Variants in CCDC93 observed in about 807,000 individuals in gnomAD.
CCDC93 encodes CCC complex scaffolding subunit CCDC93.
CCDC93 carries 61 observed loss-of-function variants against 108.2 expected under a neutral mutation model. That is an observed-to-expected ratio of 0.56 (90% CI 0.46 to 0.70). CCDC93 has a LOEUF of 0.70. Among genes scored for constraint, CCDC93 ranks in the 30% least tolerant of loss-of-function variants. CCDC93 has a pLI of 0.00. For missense variants in CCDC93, 685 were observed against 764.2 expected (o/e 0.90, Z 1.22); for synonymous variants, 276 against 260.4 (o/e 1.06, Z -0.58).
At chr2:117,946,701 G>A in intron 16 of CCDC93, 110 bp downstream of exon 16, 1 of 715,272 alleles carries the variant, frequency 1.4e-6, no homozygotes, top group East Asian at 2.5e-5. Context: ...GTTGAGGAAT[G>A]TCTATTTACA....
At chr2:117,936,480 TCGTCAGC>T in intron 21 of CCDC93, 1 of 481,358 alleles carries the variant, frequency 2.1e-6, no homozygotes, top group Non-Finnish European at 3.7e-6. Flanking sequence ...TTAACTTTTT[TCGTCAGC>T]TCTTCCTTCA....
intron 13 of CCDC93, chr2:117,950,430 C>G (rs1336405738): frequency 2.0e-6 from 2 of 985,310 alleles, no homozygotes; most frequent in East Asian, 1.1e-4. Flanking sequence ...AGCCAATCTC[C>G]TGGCCTTTCT....
intron 18 of CCDC93, among the ~76,000 whole-genome samples, chr2:117,942,751 T>A (rs1384059674): frequency 1.3e-5 from 2 of 152,114 alleles, no homozygotes; most frequent in East Asian, 1.9e-4. Context: ...TCATCAACAC[T>A]GCAGACACCC....
In CCDC93 at chr2:118,001,200, T is replaced by C. The variant is rs1283833966; in HGVS notation, c.252-268A>G. 7 of 333,468 alleles carry C rather than the reference T, an allele frequency of 2.1e-5. No homozygotes were observed. The Admixed American group carries it at 2.3e-4, about 11-fold the overall frequency. 20.7% of individuals were successfully genotyped at this position (333,468 alleles called of 1,614,324 possible). ...TTTGGATGTAAAATATTTTGTGAAA[T>C]GATGGTAACATTAGAGGTAGTCGTT... On this transcript the variant is annotated intron_variant, in intron 3 of 23. Transcript: ENST00000376300.
chr2:117,951,156 G>T, intron 13 of CCDC93: 1 of 985,200 alleles, frequency 1.0e-6, no homozygotes, highest in Non-Finnish European at 1.2e-6. Flanking sequence ...ATCTCTTTCA[G>T]ATTATTATAC....
At position 117,935,570 on chromosome 2, in the gene CCDC93, G is replaced by C. The variant is rs756750259; in HGVS notation, c.1653C>G (p.Ala551=). 31 of 1,613,332 alleles carry C rather than the reference G, an allele frequency of 1.9e-5. No homozygotes were observed. Among genetic ancestry groups the C allele is most frequent in the Non-Finnish European group, 2.5e-5 (30 of 1,179,502 alleles). Reference sequence around the variant, plus strand: ...AAAACTGGTCCCGGGCAGCAGGGGAGGCCATGGCCCTGAAAGAAAAACCAG... The same window carrying C: ...AAAACTGGTCCCGGGCAGCAGGGGACGCCATGGCCCTGAAAGAAAAACCAG... The part of the protein sequence containing the change: ...SIHENFSQAM[A]SPAARDQFLR... Residue 551 remains alanine, a synonymous_variant, in exon 22 of 24, where the codon GCC becomes GCG. Coordinates refer to ENST00000376300, the MANE Select transcript of CCDC93 (RefSeq NM_019044.5).
chr2:117,988,783 A>C (rs1198837223), intron 6 of CCDC93, among the ~76,000 whole-genome samples: 1 of 152,218 alleles, frequency 6.6e-6, no homozygotes, highest in Non-Finnish European at 1.5e-5. Context: ...GAAATGATGA[A>C]AGATGGATGG....
intron 12 of CCDC93, among the ~76,000 whole-genome samples, chr2:117,957,910 C>T (rs143044919): frequency 2.0e-5 from 3 of 151,850 alleles, no homozygotes; most frequent in African/African-American, 4.9e-5. Flanking sequence ...AATTAAATGA[C>T]GATGAGTGTG....
chr2:117,967,601 T>A (rs1354580268), intron 11 of CCDC93, among the ~76,000 whole-genome samples: 2 of 152,136 alleles, frequency 1.3e-5, no homozygotes, highest in Admixed American at 1.3e-4. Flanking sequence ...TGTCCCTGCT[T>A]CTCCCTAAGG....
intron 23 of CCDC93, among the ~76,000 whole-genome samples, chr2:117,929,827 C>T (rs919272188): frequency 6.6e-6 from 1 of 152,216 alleles, no homozygotes; most frequent in Admixed American, 6.5e-5. Context: ...CTGAAGAACT[C>T]TTTCTTCCGA....
chr2:117,993,062 T>C (rs1406532269), intron 6 of CCDC93, among the ~76,000 whole-genome samples: 1 of 151,716 alleles, frequency 6.6e-6, no homozygotes, highest in African/African-American at 2.4e-5. Flanking sequence ...GGGCTCAGAG[T>C]GAGATTTACA....
chr2:117,922,610 G>A (rs903257581), intron 23 of CCDC93, among the ~76,000 whole-genome samples: 1 of 152,066 alleles, frequency 6.6e-6, no homozygotes, highest in Non-Finnish European at 1.5e-5. Context: ...CGCTAAGGTG[G>A]CAAAAAACCA....
intron 14 of CCDC93, 38 bp from the exon 15 acceptor site, chr2:117,948,224 CATT>C: frequency 6.7e-7 from 1 of 1,484,826 alleles, no homozygotes; most frequent in Non-Finnish European, 9.3e-7. Flanking sequence ...TATGGCAGGC[CATT>C]ATGATTTTAT....
chr2:117,925,691 C>A (rs1678061859), intron 23 of CCDC93, among the ~76,000 whole-genome samples: 1 of 152,180 alleles, frequency 6.6e-6, no homozygotes, highest in Non-Finnish European at 1.5e-5. Flanking sequence ...TAACACCCCA[C>A]TGTCAACATT....
intron 8 of CCDC93, among the ~76,000 whole-genome samples, chr2:117,975,528 A>T (rs1679915618): frequency 6.6e-6 from 1 of 152,188 alleles, no homozygotes; most frequent in Non-Finnish European, 1.5e-5. Flanking sequence ...CAGGCCACAC[A>T]CATTTGCCTG....
chr2:117,922,846 G>C (rs943311875), intron 23 of CCDC93, among the ~76,000 whole-genome samples: 1 of 152,146 alleles, frequency 6.6e-6, no homozygotes, highest in African/African-American at 2.4e-5. Context: ...TCTGGCTGAA[G>C]ATATGGGGTA....
chr2:117,991,689 A>G (rs183938548), intron 6 of CCDC93, among the ~76,000 whole-genome samples: 1 of 152,366 alleles, frequency 6.6e-6, no homozygotes, highest in Non-Finnish European at 1.5e-5. Context: ...CTTAATAAAT[A>G]CACAGCAGCT....
intron 3 of CCDC93, chr2:118,001,216 G>A (rs1467574234): frequency 7.4e-6 from 2 of 268,952 alleles, no homozygotes; most frequent in Non-Finnish European, 7.0e-6. Flanking sequence ...TAACATTAGA[G>A]GTAGTCGTTA....
chr2:118,006,957 T>A (rs1057213714), intron 2 of CCDC93, 141 bp from the exon 3 acceptor site: 2 of 614,354 alleles, frequency 3.3e-6, no homozygotes, highest in Non-Finnish European at 5.9e-6. Flanking sequence ...AGAGTGTGTG[T>A]CCTCCTTACC....
Sources: gnomAD v4.1 joint callset for allele counts (sites outside exome capture counted in the v4.1 genomes callset) on GRCh38, gnomAD v4.1.1 for gene constraint, MANE v1.5 for transcripts, NCBI Gene and HGNC (gene_info 2026-07-23, HGNC 2026-07-21) for gene names.